Variants in GRIA2 observed in about 807,000 individuals in gnomAD.
The protein encoded by GRIA2 is glutamate ionotropic receptor AMPA type subunit 2.
In GRIA2, 14 loss-of-function variants were observed where a neutral mutation model predicts 97.3. The ratio of observed to expected loss-of-function variants is 0.14; its 90% CI spans 0.10 to 0.23. GRIA2 has a LOEUF of 0.23. Ranked by LOEUF, GRIA2 falls within the 10% of genes least tolerant of loss-of-function variation. The pLI is 1.00. For missense variants in GRIA2, 558 were observed against 1,069.8 expected (o/e 0.52, Z 6.67); for synonymous variants, 412 against 387.8 (o/e 1.06, Z -0.73).
chr4:157,222,720 A>G (rs545763223), intron 2 of GRIA2, among the ~76,000 whole-genome samples: 1 of 152,332 alleles, frequency 6.6e-6, no homozygotes, highest in Admixed American at 6.5e-5. Flanking sequence ...TAGTCTTTGC[A>G]ATGCTCCATA....
chr4:157,356,281 A>T lies in GRIA2; in HGVS notation c.2044-3615A>T, dbSNP rs72964605. Among the ~76,000 whole-genome samples the T allele has an allele frequency of 1.7e-3, 259 of 149,002 alleles. 1 individual carries two copies. Among genetic ancestry groups the T allele is most frequent in the African/African-American group, 6.2e-3 (248 of 40,202 alleles). On this transcript the variant is annotated intron_variant, in intron 12 of 15. Coordinates refer to ENST00000264426, the MANE Select transcript of GRIA2 (RefSeq NM_001083619.3). Reference sequence around the variant, plus strand: ...GATTTGCGAAAGAGGTAGAAAATCAAGGTGCAGTTGTTCCTGAGAAAGACT... The same window carrying T: ...GATTTGCGAAAGAGGTAGAAAATCATGGTGCAGTTGTTCCTGAGAAAGACT...
At chr4:157,270,295 G>A (rs1474255230) in intron 2 of GRIA2, among the ~76,000 whole-genome samples, 2 of 152,040 alleles carry the variant, frequency 1.3e-5, no homozygotes, top group Non-Finnish European at 2.9e-5. Context: ...CTAAAAGGCA[G>A]TAGGCCATTC....
chr4:157,258,808 G>A (rs918036214), intron 2 of GRIA2, among the ~76,000 whole-genome samples: 5 of 151,992 alleles, frequency 3.3e-5, no homozygotes, highest in African/African-American at 1.2e-4. Flanking sequence ...TCTCAGAGCA[G>A]CCGACACTTA....
In GRIA2 at chr4:157,361,191, G is replaced by C. The variant is rs1736617098; in HGVS notation, c.2406+67G>C. ...ACAAAGTAAGCAGCAGCTATGCACA[G>C]TGTGGGCACTCCGTGCCACCAAGTT... On this transcript the variant is annotated intron_variant, in intron 14 of 15. Coordinates refer to ENST00000264426, the MANE Select transcript of GRIA2 (RefSeq NM_001083619.3). The surrounding 1 kb of genome is among the most constrained non-coding windows in gnomAD (Gnocchi z 5.2). 8 of 1,229,056 alleles carry C rather than the reference G, an allele frequency of 6.5e-6. No individual in the cohort carries two copies. Among genetic ancestry groups the C allele is most frequent in the Non-Finnish European group, 9.5e-6 (8 of 840,802 alleles). The allele number at this position is 1,229,056 out of a possible 1,614,324, so 76.1% of individuals were successfully genotyped here. A position where few individuals can be genotyped will look rare whatever the true frequency, so the allele number is the denominator to read the frequency against.
intron 2 of GRIA2, among the ~76,000 whole-genome samples, chr4:157,272,028 A>C (rs1732050314): frequency 6.6e-6 from 1 of 152,224 alleles, no homozygotes; most frequent in South Asian, 2.1e-4. Flanking sequence ...AGATTAAGAA[A>C]AATTCAATAA....
At chr4:157,296,683 G>A (rs1244188821) in intron 2 of GRIA2, among the ~76,000 whole-genome samples, 1 of 152,160 alleles carries the variant, frequency 6.6e-6, no homozygotes, top group South Asian at 2.1e-4. Flanking sequence ...CATAGAGCTG[G>A]GCTTCCGATT....
chr4:157,245,647 G>A (rs1730698996), intron 2 of GRIA2, among the ~76,000 whole-genome samples: 1 of 152,078 alleles, frequency 6.6e-6, no homozygotes, highest in Non-Finnish European at 1.5e-5. Flanking sequence ...GTCATGCTAA[G>A]TAGTAAAGGC....
At chr4:157,315,746 G>A (rs1355229128) in intron 4 of GRIA2, among the ~76,000 whole-genome samples, 1 of 151,918 alleles carries the variant, frequency 6.6e-6, no homozygotes, top group Admixed American at 6.6e-5. Flanking sequence ...TCACCATGTT[G>A]GCCAGGATGG....
At chr4:157,289,790 A>C in intron 2 of GRIA2, among the ~76,000 whole-genome samples, 1 of 152,008 alleles carries the variant, frequency 6.6e-6, no homozygotes, top group South Asian at 2.1e-4. Flanking sequence ...TTAAAAATAA[A>C]AGAAAAGAAT....
intron 11 of GRIA2, among the ~76,000 whole-genome samples, chr4:157,341,049 G>C (rs1021253035): frequency 6.6e-6 from 1 of 151,980 alleles, no homozygotes; most frequent in Non-Finnish European, 1.5e-5. Context: ...CCAGAAATCA[G>C]AAGTTTTGAC....
rs1733706852 is a variant in GRIA2, at chr4:157,303,538, T to C, written c.230-14T>C. 6.2e-7 allele frequency: 1 copy of C among 1,608,908 alleles called. No individual in the cohort carries two copies. The highest frequency in any genetic ancestry group is 1.1e-5 in the South Asian group (1 of 90,946). Reference sequence around the variant, plus strand: ...TTCAATGATTTTTCCTTTCTATTTTTCCTATTCTTCTAGTCTGCTCCCAGT... The same window carrying C: ...TTCAATGATTTTTCCTTTCTATTTTCCCTATTCTTCTAGTCTGCTCCCAGT... On this transcript the variant is annotated splice_polypyrimidine_tract_variant and intron_variant, in intron 2 of 15. Coordinates refer to ENST00000264426, the MANE Select transcript of GRIA2 (RefSeq NM_001083619.3).
In GRIA2 at chr4:157,342,390, G is replaced by A. The variant is rs1202101983; in HGVS notation, c.2043+928G>A. The A allele has an allele frequency of 9.1e-6, 9 of 984,538 alleles. No homozygotes were observed. In the African/African-American group the frequency reaches 1.6e-4, roughly 17 times the overall value. 61.0% of individuals were successfully genotyped at this position (984,538 alleles called of 1,614,324 possible). On this transcript the variant is annotated intron_variant, in intron 12 of 15. Transcript: ENST00000264426. The stretch of plus-strand genomic sequence containing the variant: ...AGATACTATGGGAGAAAGGGTTCTG[G>A]GAGTGGGGGTGGTAGAACCATGGCT...
At chr4:157,247,506 G>A (rs1730783850) in intron 2 of GRIA2, among the ~76,000 whole-genome samples, 1 of 152,086 alleles carries the variant, frequency 6.6e-6, no homozygotes, top group African/African-American at 2.4e-5. Flanking sequence ...TAGGGTCCAA[G>A]GAAGGTTATT....
At chr4:157,288,821 T>G (rs1157175868) in intron 2 of GRIA2, among the ~76,000 whole-genome samples, 3 of 151,816 alleles carry the variant, frequency 2.0e-5, no homozygotes, top group Non-Finnish European at 4.4e-5. Flanking sequence ...TGTTTCTTTA[T>G]GCTGTATAAT....
chr4:157,289,176 A>G (rs1294099140), intron 2 of GRIA2, among the ~76,000 whole-genome samples: 3 of 151,798 alleles, frequency 2.0e-5, no homozygotes, highest in Non-Finnish European at 4.4e-5. Flanking sequence ...GAAAATGTCT[A>G]CCTGAACAGG....
chr4:157,236,616 C>T (rs1275701642), intron 2 of GRIA2, among the ~76,000 whole-genome samples: 1 of 152,042 alleles, frequency 6.6e-6, no homozygotes, highest in Admixed American at 6.6e-5. Context: ...TAAAACTTTG[C>T]TGGATATACA....
chr4:157,226,683 A>G (rs1729761209), intron 2 of GRIA2, among the ~76,000 whole-genome samples: 2 of 152,104 alleles, frequency 1.3e-5, no homozygotes, highest in East Asian at 1.9e-4. Context: ...TATAGTTACA[A>G]TTATAGAGTG....
At chr4:157,307,721 T>C (rs1246212892) in intron 3 of GRIA2, among the ~76,000 whole-genome samples, 1 of 152,226 alleles carries the variant, frequency 6.6e-6, no homozygotes, top group Non-Finnish European at 1.5e-5. Flanking sequence ...GGTAAGATAA[T>C]ACATTTCTAC....
chr4:157,353,513 AAT>A (rs1736110097), intron 12 of GRIA2, among the ~76,000 whole-genome samples: 4 of 144,852 alleles, frequency 2.8e-5, no homozygotes, highest in Admixed American at 6.8e-5. Flanking sequence ...TAATAAAAAT[AAT>A]AAAAAAAAAA....
Sources: allele counts gnomAD v4.1 joint callset (sites outside exome capture counted in the v4.1 genomes callset), GRCh38; gene constraint gnomAD v4.1.1; non-coding constraint Gnocchi (gnomAD v3.1); transcripts MANE v1.5; gene names NCBI Gene and HGNC (gene_info 2026-07-23, HGNC 2026-07-21).